PKHD1: variants seen among roughly 807,000 people sequenced by gnomAD.
PKHD1 encodes the protein PKHD1 ciliary IPT domain containing fibrocystin/polyductin.
PKHD1 carries 291 observed loss-of-function variants against 412.0 expected under a neutral mutation model. The ratio of observed to expected loss-of-function variants is 0.71; its 90% confidence interval spans 0.64 to 0.78. The LOEUF (loss-of-function observed/expected upper bound fraction) is 0.78, where lower values mean the gene tolerates loss of function less well. PKHD1 is among the 30% of genes least tolerant of loss of function. The probability of loss-of-function intolerance (pLI) is 0.00; values close to 1 mark genes in which losing one functional copy is unlikely to be tolerated. For synonymous variants in PKHD1, 1,777 were observed against 1,821.5 expected, an observed-to-expected ratio of 0.98 and a Z score of 0.62; for missense variants, 4,825 against 4,950.7, an observed-to-expected ratio of 0.97 and a Z score of 0.76.
intron 60 of PKHD1, among the ~76,000 whole-genome samples, chr6:51,716,812 G>A (rs1781321848): frequency 6.6e-6 from 1 of 152,036 alleles, no homozygotes; most frequent in Admixed American, 6.6e-5. Context: ...TACTGAGGCA[G>A]TACCATCACC....
At chr6:51,940,489 T>G (rs1195995983) in intron 36 of PKHD1, among the ~76,000 whole-genome samples, 1 of 151,668 alleles carries the variant, frequency 6.6e-6, no homozygotes, top group Non-Finnish European at 1.5e-5. Flanking sequence ...GGCCAAGGAA[T>G]GCCCACAGCC....
At chr6:51,763,128 A>C (rs1788326952) in intron 55 of PKHD1, among the ~76,000 whole-genome samples, 1 of 152,132 alleles carries the variant, frequency 6.6e-6, no homozygotes, top group Admixed American at 6.6e-5. Context: ...CAATGGAATC[A>C]GACAAATCAG....
At chr6:51,766,826 A>C (rs1469789400) in intron 55 of PKHD1, among the ~76,000 whole-genome samples, 1 of 152,044 alleles carries the variant, frequency 6.6e-6, no homozygotes, top group Non-Finnish European at 1.5e-5. Flanking sequence ...ATCATTTGTC[A>C]TCACATTTTG....
chr6:51,814,981 A>C (rs1156389900), intron 52 of PKHD1, among the ~76,000 whole-genome samples: 1 of 152,160 alleles, frequency 6.6e-6, no homozygotes, highest in Non-Finnish European at 1.5e-5. Flanking sequence ...TCTGCAGCAG[A>C]CCACCAGGTC....
At chr6:51,977,911 T>C (rs989197290) in intron 35 of PKHD1, among the ~76,000 whole-genome samples, 3 of 152,088 alleles carry the variant, frequency 2.0e-5, no homozygotes, top group Non-Finnish European at 2.9e-5. Flanking sequence ...CAAGCTGATA[T>C]GACTTAAAGA....
chr6:52,047,304 G>C (rs768807733), intron 23 of PKHD1, among the ~76,000 whole-genome samples: 2 of 152,058 alleles, frequency 1.3e-5, no homozygotes, highest in Non-Finnish European at 2.9e-5. Context: ...AGGGATCTTC[G>C]ACTTCTCCTG....
chr6:52,087,376 A>G (rs972039136), intron 1 of PKHD1, 58 bp downstream of exon 1: 2 of 152,204 alleles, frequency 1.3e-5, no homozygotes, highest in Middle Eastern at 3.2e-3. Flanking sequence ...CAGAACGTTA[A>G]CAAGAGATAC....
At chr6:51,704,093 G>A (rs1359154248) in intron 60 of PKHD1, among the ~76,000 whole-genome samples, 1 of 151,960 alleles carries the variant, frequency 6.6e-6, no homozygotes, top group African/African-American at 2.4e-5. Context: ...TCCTCCCTCT[G>A]ACAATTTTAG....
chr6:52,052,394 T>A (rs1807003662), intron 21 of PKHD1, among the ~76,000 whole-genome samples: 1 of 151,654 alleles, frequency 6.6e-6, no homozygotes, highest in African/African-American at 2.4e-5. Flanking sequence ...TGCCCAAGAG[T>A]GGTCAAGGGA....
At chr6:51,854,243 G>T (rs1408374599) in intron 49 of PKHD1, among the ~76,000 whole-genome samples, 2 of 151,822 alleles carry the variant, frequency 1.3e-5, no homozygotes, top group African/African-American at 2.4e-5. Flanking sequence ...CATCTGATTT[G>T]CTCCCATGCC....
chr6:52,081,990 A>C (rs1206078792), intron 4 of PKHD1, among the ~76,000 whole-genome samples: 1 of 152,166 alleles, frequency 6.6e-6, no homozygotes, highest in Non-Finnish European at 1.5e-5. Flanking sequence ...CAAACTCAGC[A>C]AACAGAGCCT....
At chr6:52,030,003 G>A (rs545382209) in intron 29 of PKHD1, among the ~76,000 whole-genome samples, 1 of 152,374 alleles carries the variant, frequency 6.6e-6, no homozygotes, top group East Asian at 1.9e-4. Flanking sequence ...AACAGCAGGA[G>A]TGGAAATAAA....
intron 35 of PKHD1, among the ~76,000 whole-genome samples, chr6:51,994,533 C>G (rs1797483055): frequency 6.6e-6 from 1 of 152,138 alleles, no homozygotes; most frequent in Non-Finnish European, 1.5e-5. Flanking sequence ...GATGGGGAAA[C>G]TAAGAGGTTC....
intron 43 of PKHD1, among the ~76,000 whole-genome samples, chr6:51,891,770 A>G (rs1003940165): frequency 6.6e-6 from 1 of 151,254 alleles, no homozygotes; most frequent in Non-Finnish European, 1.5e-5. Flanking sequence ...CAAAGACAGT[A>G]TGGGGGAGAA....
At chr6:51,765,970 CCTT>C (rs1788925647) in intron 55 of PKHD1, among the ~76,000 whole-genome samples, 1 of 152,104 alleles carries the variant, frequency 6.6e-6, no homozygotes, top group African/African-American at 2.4e-5. Context: ...TTCAGGGAAG[CCTT>C]CTCCAACTTC....
rs745836379 is a variant in PKHD1, at chr6:52,010,296, G to C, written c.5751+13C>G. On this transcript the variant is annotated intron_variant, in intron 35 of 66. Transcript: ENST00000371117. ...GCTGTTTGAATCAGTCTGTAAAAAA[G>C]ATTTGATTATACCTGAGTGTTCTGG... 6.2e-7 allele frequency: 1 copy of C among 1,611,458 alleles called. No individual in the cohort carries two copies. The highest frequency in any genetic ancestry group is 1.1e-5 in the South Asian group (1 of 90,992).
intron 66 of PKHD1, 41 bp from the exon 67 acceptor site, chr6:51,619,561 T>C: frequency 6.5e-7 from 1 of 1,530,310 alleles, no homozygotes; most frequent in Non-Finnish European, 9.0e-7. Context: ...GATTTAGTTT[T>C]CAACCAGTTA....
At chr6:51,932,603 T>A (rs887657711) in intron 37 of PKHD1, among the ~76,000 whole-genome samples, 6 of 152,232 alleles carry the variant, frequency 3.9e-5, no homozygotes, top group Non-Finnish European at 8.8e-5. Context: ...AAACCATGGC[T>A]GACGTGGGAA....
rs201569192 is a variant in PKHD1, at chr6:52,030,032, GT to G, written c.3365-1682del. 6.7e-3 allele frequency among the ~76,000 whole-genome samples: 1,024 copies of G among 152,328 alleles called. 17 individuals carry two copies. Among genetic ancestry groups the G allele is most frequent in the African/African-American group, 0.023 (948 of 41,564 alleles). The stretch of plus-strand genomic sequence containing the variant: ...AAATAAATGTCCTTACCTTTCCTGT[GT>G]CCCAGTGTGGCCACTGAAACATGGC... On this transcript the variant is annotated intron_variant, in intron 29 of 66. Transcript: ENST00000371117.
Sources: gnomAD v4.1 joint callset for allele counts (sites outside exome capture counted in the v4.1 genomes callset) on GRCh38, gnomAD v4.1.1 for gene constraint, MANE v1.5 for transcripts, NCBI Gene and HGNC (gene_info 2026-07-23, HGNC 2026-07-21) for gene names.